The following TRPM3 variants were observed in gnomAD, a reference collection of about 807,000 sequenced individuals.
TRPM3 encodes transient receptor potential cation channel subfamily M member 3.
Under a neutral mutation model 181.2 loss-of-function variants are expected in TRPM3, and 77 were observed. The ratio of observed to expected loss-of-function variants is 0.42; its 90% CI spans 0.35 to 0.51. The LOEUF (loss-of-function observed/expected upper bound fraction) is 0.51. TRPM3 is among the 20% of genes least tolerant of loss of function. TRPM3 has a pLI of 0.01. For synonymous variants in TRPM3, 745 were observed against 796.4 expected (o/e 0.94, Z 1.09); for missense variants, 1,759 against 2,196.7 (o/e 0.80, Z 3.98).
chr9:71,200,154 T>C (rs1422557498), intron 1 of TRPM3, among the ~76,000 whole-genome samples: 1 of 152,028 alleles, frequency 6.6e-6, no homozygotes, highest in Non-Finnish European at 1.5e-5. Context: ...CAGGAGGAGG[T>C]TGTTCAGTTT....
chr9:70,633,629 C>A (rs1359303954), intron 12 of TRPM3, among the ~76,000 whole-genome samples: 1 of 152,172 alleles, frequency 6.6e-6, no homozygotes, highest in East Asian at 1.9e-4. Context: ...ATTTTTATAT[C>A]CTTTACTCAT....
intron 1 of TRPM3, among the ~76,000 whole-genome samples, chr9:71,294,301 C>A (rs1263789107): frequency 6.6e-6 from 1 of 151,860 alleles, no homozygotes; most frequent in Non-Finnish European, 1.5e-5. Context: ...AACAAAAAAT[C>A]TAATAGAAAA....
chr9:71,041,866 C>T (rs923640642), intron 1 of TRPM3, among the ~76,000 whole-genome samples: 2 of 152,102 alleles, frequency 1.3e-5, no homozygotes, highest in Non-Finnish European at 2.9e-5. Context: ...CCAGTCTCCT[C>T]GTTGCCCTCA....
rs2057921551 is a variant in TRPM3, at chr9:70,640,655, T to G, written c.1351A>C (p.Asn451His). Residue 451 changes from asparagine (N) to histidine (H), a missense_variant, in exon 10 of 26, where the codon AAT becomes CAT. Physicochemically the swap from Asn to His is moderately conservative, Grantham distance 68. Transcript: ENST00000677713. Reference protein sequence around the residue: ...AILTALLKGANASAPDQLSLA... With the variant: ...AILTALLKGAHASAPDQLSLA... ...CTCAGTTGGTCTGGGGCCGAGGCAT[T>G]GGCTCCTGTGTGAGGACAAGTGGGA... is the stretch of plus-strand genomic sequence containing the variant. 2 of 1,612,360 alleles carry G rather than the reference T, an allele frequency of 1.2e-6. No individual in the cohort carries two copies. The highest frequency in any genetic ancestry group is 1.7e-6 in the Non-Finnish European group (2 of 1,179,074).
In TRPM3 at chr9:70,598,573, G is replaced by C. The variant is rs975836199; in HGVS notation, c.2894C>G (p.Ser965Cys). 2.5e-6 allele frequency: 4 copies of C among 1,614,224 alleles called. No homozygotes were observed. Among genetic ancestry groups the C allele is most frequent in the East Asian group, 4.5e-5 (2 of 44,890 alleles). ...VTDLIAILLF[S>C]VGMILRLQDQ... ...TTGGAGACGAAGGATCATTCCGACA[G>C]AAAACAGAAGGATGGCGATGAGGTC... The change falls in exon 21 of 26, where the codon TCT becomes TGT. Residue 965 changes from serine (S) to cysteine (C), a missense_variant. Around this residue, in one of 8 missense-constraint regions of TRPM3, gnomAD observed 100 missense variants for 123.0 expected, o/e 0.81. Transcript: ENST00000677713.
chr9:71,408,298 A>G (rs1055075432), intron 1 of TRPM3, among the ~76,000 whole-genome samples: 9 of 152,316 alleles, frequency 5.9e-5, no homozygotes, highest in African/African-American at 2.2e-4. Flanking sequence ...TTAATAACGA[A>G]CTTCTCTGAG....
At chr9:71,053,251 C>T (rs1163918124) in intron 1 of TRPM3, among the ~76,000 whole-genome samples, 2 of 151,854 alleles carry the variant, frequency 1.3e-5, no homozygotes. Flanking sequence ...CTGGTGTAGA[C>T]GATGACGCCA....
At chr9:71,260,862 T>C (rs750891862) in intron 1 of TRPM3, among the ~76,000 whole-genome samples, 2 of 152,250 alleles carry the variant, frequency 1.3e-5, no homozygotes, top group Non-Finnish European at 2.9e-5. Flanking sequence ...CCTATTTGAA[T>C]ACCTTTTATC....
intron 1 of TRPM3, among the ~76,000 whole-genome samples, chr9:71,431,802 C>G (rs895489731): frequency 2.6e-5 from 4 of 152,146 alleles, no homozygotes; most frequent in African/African-American, 7.2e-5. Flanking sequence ...ATTGAAACAG[C>G]CTGGTATTAA....
chr9:70,765,397 C>T (rs1295363015), intron 7 of TRPM3, among the ~76,000 whole-genome samples: 1 of 151,972 alleles, frequency 6.6e-6, no homozygotes, highest in East Asian at 1.9e-4. Flanking sequence ...TCAAGGCCAG[C>T]CTGGCCAACA....
chr9:71,346,387 A>G (rs996782301), intron 1 of TRPM3, among the ~76,000 whole-genome samples: 3 of 152,058 alleles, frequency 2.0e-5, no homozygotes, highest in African/African-American at 7.2e-5. Context: ...GGGTTTTAGG[A>G]GTTTGCTGCT....
intron 1 of TRPM3, among the ~76,000 whole-genome samples, chr9:71,424,009 C>A (rs1002848896): frequency 2.0e-5 from 3 of 152,132 alleles, no homozygotes; most frequent in Non-Finnish European, 4.4e-5. Context: ...TTGACTGCTC[C>A]CAACTGTCGC....
intron 1 of TRPM3, among the ~76,000 whole-genome samples, chr9:71,145,968 G>C (rs72731792): frequency 0.098 from 14,899 of 151,790 alleles, 871 homozygotes; most frequent in African/African-American, 0.16. Flanking sequence ...TAATAGCATC[G>C]TTCTTTATGA....
chr9:71,030,242 A>G (rs2057115454), intron 1 of TRPM3, among the ~76,000 whole-genome samples: 2 of 152,190 alleles, frequency 1.3e-5, no homozygotes, highest in African/African-American at 4.8e-5. Context: ...GCCATTGCAA[A>G]TTATTTCAAT....
At chr9:71,184,117 G>C (rs1280571639) in intron 1 of TRPM3, among the ~76,000 whole-genome samples, 5 of 152,084 alleles carry the variant, frequency 3.3e-5, no homozygotes, top group African/African-American at 1.2e-4. Flanking sequence ...ACCACCATTA[G>C]GGGTGCTCTT....
chr9:70,917,707 G>T (rs966970813), intron 1 of TRPM3, among the ~76,000 whole-genome samples: 5 of 151,548 alleles, frequency 3.3e-5, no homozygotes, highest in African/African-American at 1.2e-4. Flanking sequence ...TTATTAAGAG[G>T]AAAACAGGAA....
chr9:71,119,914 G>A (rs1436302208), intron 1 of TRPM3, among the ~76,000 whole-genome samples: 2 of 152,158 alleles, frequency 1.3e-5, no homozygotes, highest in Non-Finnish European at 2.9e-5. Flanking sequence ...ATAGTCCCTA[G>A]GGAAGCAAGC....
At chr9:70,538,837 C>T (rs576952198) in intron 25 of TRPM3, among the ~76,000 whole-genome samples, 2 of 152,198 alleles carry the variant, frequency 1.3e-5, no homozygotes, top group African/African-American at 4.8e-5. Context: ...TTTCAATTGT[C>T]ACTCAGTCTG....
chr9:71,077,060 T>C (rs1173310156), intron 1 of TRPM3, among the ~76,000 whole-genome samples: 2 of 152,190 alleles, frequency 1.3e-5, no homozygotes, highest in East Asian at 3.8e-4. Context: ...TTCTTCCCTT[T>C]CAACTCCAGG....
Sources: gnomAD v4.1 joint callset for allele counts (sites outside exome capture counted in the v4.1 genomes callset) on GRCh38, gnomAD v4.1.1 for gene constraint, gnomAD v4.1.1 regional missense constraint, MANE v1.5 for transcripts, NCBI Gene and HGNC (gene_info 2026-07-23, HGNC 2026-07-21) for gene names.